The following USP54 variants were observed in gnomAD, a reference collection of about 807,000 sequenced individuals.
USP54 encodes the protein ubiquitin carboxyl-terminal hydrolase 54.
In USP54, 87 loss-of-function variants were observed where a neutral mutation model predicts 170.5. The observed-to-expected ratio is 0.51, with a 90% CI of 0.43 to 0.61. The LOEUF (loss-of-function observed/expected upper bound fraction) is 0.61, where lower values mean the gene tolerates loss of function less well. Among genes scored for constraint, USP54 ranks in the 20% least tolerant of loss-of-function variants. The pLI is 0.00. For synonymous variants in USP54, 655 were observed against 742.8 expected, an observed-to-expected ratio of 0.88 and a Z score of 1.92; for missense variants, 1,786 against 2,047.8, an observed-to-expected ratio of 0.87 and a Z score of 2.47.
At chr10:73,513,171 G>A (rs1001053269) in intron 20 of USP54, 1 of 152,178 alleles carries the variant, frequency 6.6e-6, no homozygotes, top group Non-Finnish European at 1.5e-5. Context: ...AGTAAGCCAG[G>A]AGCGGTGGCT....
At chr10:73,535,847 C>T (rs2065109303) in intron 11 of USP54, among the ~76,000 whole-genome samples, 2 of 152,154 alleles carry the variant, frequency 1.3e-5, no homozygotes, top group Admixed American at 1.3e-4. Context: ...CCCAGCTACA[C>T]ATTTGCAATT....
At position 73,530,367 on chromosome 10, in the gene USP54, C is replaced by T. The variant is rs1375422796; in HGVS notation, c.1604G>A (p.Arg535Lys). 2 of 1,614,160 alleles carry T rather than the reference C, an allele frequency of 1.2e-6. No individual in the cohort carries two copies. Among genetic ancestry groups the T allele is most frequent in the Non-Finnish European group, 1.7e-6 (2 of 1,180,042 alleles). Residue 535 changes from arginine (R) to lysine (K), a missense_variant, in exon 14 of 24, where the codon AGA (arginine) becomes AAA (lysine). Arg to Lys is a conservative substitution (Grantham distance 26, BLOSUM62 2). Coordinates refer to ENST00000687698, the MANE Select transcript of USP54 (RefSeq NM_001391956.1). ...TTTTTTGTCAGGCTGGTCTCCTCCT[C>T]TGCCCCTGCAGTGAGAGCCTACATT... ...QTNVGSHCRGRGGDQPDKKPP... is the reference protein window; with the variant it reads ...QTNVGSHCRGKGGDQPDKKPP...
chr10:73,595,744 G>T (rs1285901539), upstream of USP54, among the ~76,000 whole-genome samples: 2 of 152,192 alleles, frequency 1.3e-5, no homozygotes, highest in African/African-American at 4.8e-5. Context: ...TGGACTTAAA[G>T]CTCCTAGAAA....
intron 15 of USP54, among the ~76,000 whole-genome samples, chr10:73,528,254 G>T (rs1241836373): frequency 6.8e-6 from 1 of 146,978 alleles, no homozygotes; most frequent in Non-Finnish European, 1.5e-5. Context: ...TTCTTTTTTT[G>T]TTTGTTTGTT....
Position 73,543,115 on chromosome 10 carries a change from C to T in USP54, c.392G>A (p.Arg131Lys), listed in dbSNP as rs190320024. The change falls in exon 6 of 24, where the codon AGA becomes AAA. Residue 131 changes from arginine (R) to lysine (K), a missense_variant. By Grantham distance (26) the Arg-to-Lys change is conservative. Around this residue, in one of 3 missense-constraint regions of USP54, gnomAD observed 361 missense variants for 455.0 expected, o/e 0.79. Coordinates refer to ENST00000687698, the MANE Select transcript of USP54 (RefSeq NM_001391956.1). ...TTCATCAGCAATGTGGAAGTGAATT[C>T]TCATCAGGAGGTTTTCCTGACAGGG... ...AAECFENLLM[R>K]IHFHIADETK... 2.3e-5 allele frequency: 37 copies of T among 1,613,852 alleles called. No individual in the cohort carries two copies. In the East Asian group the frequency reaches 8.2e-4, roughly 36 times the overall value.
chr10:73,522,858 C>T, intron 17 of USP54, among the ~76,000 whole-genome samples: 1 of 152,168 alleles, frequency 6.6e-6, no homozygotes, highest in Middle Eastern at 3.2e-3. Context: ...AAAGCTTGCA[C>T]TTACAAACTG....
At position 73,539,456 on chromosome 10, in the gene USP54, A is replaced by G. The variant is rs1394815066; in HGVS notation, c.963T>C (p.Ala321=). Residue 321 remains alanine, a synonymous_variant, in exon 10 of 24, where the codon GCT becomes GCC. Coordinates refer to ENST00000687698, the MANE Select transcript of USP54 (RefSeq NM_001391956.1). ...KIRKWMYFDD[A]HVKEIGPKWK... is the part of the protein sequence containing the mutation. ...TGACTACTCCTACCTCCTTGACATG[A>G]GCATCATCAAAATACATCCATTTGC... 1 of 1,610,924 alleles carries G rather than the reference A, an allele frequency of 6.2e-7. No homozygotes were observed. The highest frequency in any genetic ancestry group is 2.2e-5 in the East Asian group (1 of 44,858).
In USP54 at chr10:73,516,902, C is replaced by G; in HGVS notation, c.3524G>C (p.Gly1175Ala). 1 of 1,614,234 alleles carries G rather than the reference C, an allele frequency of 6.2e-7. No homozygotes were observed. The highest frequency in any genetic ancestry group is 8.5e-7 in the Non-Finnish European group (1 of 1,180,044). ...CCATGGCCAGTGGCCTTTCTCTTGA[C>G]CCTGTGAGAAAGGAGGCTTAGAATC... ...PSDSKPPFSQ[G>A]QEKGHWPWAK... Residue 1175 changes from glycine (G) to alanine (A), a missense_variant, in exon 20 of 24, where the codon GGT (glycine) becomes GCT (alanine). Gly to Ala is a moderately conservative substitution (Grantham distance 60). Coordinates refer to ENST00000687698, the MANE Select transcript of USP54 (RefSeq NM_001391956.1).
At chr10:73,539,411 C>A (rs751102832) in intron 10 of USP54, 33 bp downstream of exon 10, 5 of 1,526,982 alleles carry the variant, frequency 3.3e-6, no homozygotes, top group South Asian at 2.7e-5. Context: ...TTGTAGTCAC[C>A]AAACACTTCA....
At chr10:73,543,946 CTTT>C (rs1162232618) in intron 5 of USP54, among the ~76,000 whole-genome samples, 1 of 143,838 alleles carries the variant, frequency 7.0e-6, no homozygotes, top group African/African-American at 2.5e-5. Flanking sequence ...ACCACATAAC[CTTT>C]TTTTTTTTTT....
intron 1 of USP54, chr10:73,624,323 G>A (rs1337309284): frequency 2.1e-5 from 3 of 144,472 alleles, no homozygotes; most frequent in Non-Finnish European, 4.5e-5. Flanking sequence ...TCAGCTTTCC[G>A]AGTAGCTGGG....
At position 73,526,772 on chromosome 10, in the gene USP54, C is replaced by T. The variant is rs765455563; in HGVS notation, c.2069G>A (p.Ser690Asn). Residue 690 changes from serine to asparagine, a missense_variant, in exon 16 of 24, where the codon AGT becomes AAT. Coordinates refer to ENST00000687698, the MANE Select transcript of USP54 (RefSeq NM_001391956.1). ...AACCAACCCAGCTGATCTCTTAGCA[C>T]TTGGATCCCTTCAAAAGAGAACTCA... is the stretch of plus-strand genomic sequence containing the variant. ...PESSNVYRDPSAKRSAGLVPS... is the reference protein window; with the variant it reads ...PESSNVYRDPNAKRSAGLVPS... The T allele has an allele frequency of 4.3e-6, 7 of 1,613,686 alleles. No homozygotes were observed. In the South Asian group the frequency reaches 7.7e-5, roughly 18 times the overall value.
chr10:73,540,284 A>G (rs1056234450), intron 9 of USP54, among the ~76,000 whole-genome samples: 4 of 150,896 alleles, frequency 2.7e-5, no homozygotes, highest in Admixed American at 2.6e-4. Flanking sequence ...AAAAAAAAAA[A>G]AACCAGCTGG....
intron 1 of USP54, among the ~76,000 whole-genome samples, chr10:73,618,035 A>AC (rs2080786717): frequency 1.3e-5 from 2 of 150,192 alleles, no homozygotes; most frequent in Non-Finnish European, 2.9e-5. Flanking sequence ...ACATGGTGAA[A>AC]CCCCATCTCT....
chr10:73,618,978 C>T (rs570771748), intron 1 of USP54, among the ~76,000 whole-genome samples: 13 of 149,472 alleles, frequency 8.7e-5, no homozygotes, highest in African/African-American at 2.8e-4. Flanking sequence ...TTTGGGAGAC[C>T]GAGGCAGGCA....
chr10:73,592,471 CAAAAAAAAAAA>C (rs367984467), upstream of USP54, among the ~76,000 whole-genome samples: 1 of 67,362 alleles, frequency 1.5e-5, no homozygotes, highest in Non-Finnish European at 3.4e-5. Context: ...GAAAGTGCCA[CAAAAAAAAAAA>C]AAAAAAAAAA....
chr10:73,572,548 C>T (rs74636845), intron 3 of USP54, among the ~76,000 whole-genome samples: 5,417 of 152,270 alleles, frequency 0.036, 151 homozygotes, highest in South Asian at 0.11. Flanking sequence ...TCAAGATACA[C>T]ACTCTAAAAG....
chr10:73,547,668 T>C (rs961865325), intron 4 of USP54, among the ~76,000 whole-genome samples: 8 of 152,204 alleles, frequency 5.3e-5, no homozygotes, highest in Non-Finnish European at 1.2e-4. Context: ...CTGGGAAAAC[T>C]GGCTAGCCAT....
chr10:73,623,030 A>G (rs1361260400), intron 1 of USP54, among the ~76,000 whole-genome samples: 1 of 152,130 alleles, frequency 6.6e-6, no homozygotes, highest in East Asian at 1.9e-4. Flanking sequence ...TGAGAAACTT[A>G]CTATGTGTTT....
Sources: gnomAD v4.1 joint callset for allele counts (sites outside exome capture counted in the v4.1 genomes callset) on GRCh38, gnomAD v4.1.1 for gene constraint, gnomAD v4.1.1 regional missense constraint, MANE v1.5 for transcripts, NCBI Gene and HGNC (gene_info 2026-07-23, HGNC 2026-07-21) for gene names.